The following GRIP1 variants were observed in gnomAD, a reference collection of about 807,000 sequenced individuals.
The protein encoded by GRIP1 is glutamate receptor interacting protein 1, also known as glutamate receptor-interacting protein 1.
A neutral mutation model predicts 129.9 loss-of-function variants in GRIP1; 45 were observed. The ratio of observed to expected loss-of-function variants is 0.35; its 90% CI spans 0.27 to 0.44. The LOEUF (loss-of-function observed/expected upper bound fraction) is 0.44, where lower values mean the gene tolerates loss of function less well. Among genes scored for constraint, GRIP1 ranks in the 20% least tolerant of loss-of-function variants. GRIP1 has a pLI of 1.00. For synonymous variants in GRIP1, 530 were observed against 520.8 expected (o/e 1.02, Z -0.24); for missense variants, 1,196 against 1,396.8 (o/e 0.86, Z 2.29).
intron 13 of GRIP1, among the ~76,000 whole-genome samples, chr12:66,433,831 C>A (rs953578743): frequency 6.6e-6 from 1 of 152,146 alleles, no homozygotes; most frequent in African/African-American, 2.4e-5. Flanking sequence ...GTGAGCTATC[C>A]ACTTGGCCGG....
chr12:66,428,250 C>A (rs1382293129), intron 14 of GRIP1, among the ~76,000 whole-genome samples: 1 of 152,116 alleles, frequency 6.6e-6, no homozygotes, highest in Non-Finnish European at 1.5e-5. Context: ...ATACATCATA[C>A]ATGGTAAGTA....
At chr12:66,755,898 T>C (rs995700901) in intron 1 of GRIP1, among the ~76,000 whole-genome samples, 2 of 152,200 alleles carry the variant, frequency 1.3e-5, no homozygotes, top group African/African-American at 4.8e-5. Context: ...TAGAGTTCCA[T>C]GTGGCAAGTG....
intron 7 of GRIP1, among the ~76,000 whole-genome samples, chr12:66,477,040 G>T (rs977693867): frequency 6.6e-6 from 1 of 152,126 alleles, no homozygotes; most frequent in Non-Finnish European, 1.5e-5. Flanking sequence ...CAATCAGACA[G>T]GAGAAATAAA....
chr12:66,591,744 C>T (rs2063853150), intron 2 of GRIP1, among the ~76,000 whole-genome samples: 1 of 152,060 alleles, frequency 6.6e-6, no homozygotes, highest in Non-Finnish European at 1.5e-5. Context: ...ATCCTCCTAC[C>T]TCAATGTCCT....
intron 1 of GRIP1, among the ~76,000 whole-genome samples, chr12:66,987,231 G>C (rs943395047): frequency 6.6e-6 from 1 of 152,124 alleles, no homozygotes; most frequent in African/African-American, 2.4e-5. Flanking sequence ...TGAAGACAAG[G>C]GTTATTGTTG....
At chr12:66,589,453 A>G (rs2063773287) in intron 2 of GRIP1, among the ~76,000 whole-genome samples, 1 of 152,146 alleles carries the variant, frequency 6.6e-6, no homozygotes, top group African/African-American at 2.4e-5. Context: ...ACTACTGACA[A>G]AGTGAAGTTT....
intron 1 of GRIP1, among the ~76,000 whole-genome samples, chr12:66,849,072 T>C (rs964919552): frequency 6.6e-6 from 1 of 152,164 alleles, no homozygotes; most frequent in Non-Finnish European, 1.5e-5. Context: ...GTTCTGTCAC[T>C]TTTCTGCATC....
chr12:66,510,590 AT>A (rs994236502), intron 7 of GRIP1, among the ~76,000 whole-genome samples: 1 of 152,114 alleles, frequency 6.6e-6, no homozygotes, highest in African/African-American at 2.4e-5. Flanking sequence ...AGTCTTCCTT[AT>A]TTCAAAAAAA....
At chr12:66,554,909 T>C (rs2062271255) in intron 2 of GRIP1, among the ~76,000 whole-genome samples, 1 of 152,176 alleles carries the variant, frequency 6.6e-6, no homozygotes, top group South Asian at 2.1e-4. Flanking sequence ...CTAAGGTTCC[T>C]GACTCCAGGA....
intron 1 of GRIP1, among the ~76,000 whole-genome samples, chr12:66,903,014 C>T (rs1875832): frequency 0.45 from 68,530 of 151,908 alleles, 16,917 homozygotes; most frequent in African/African-American, 0.66. Flanking sequence ...TTTATACAAA[C>T]ACAGTTTTTT....
chr12:66,612,475 A>G (rs2064847017), intron 1 of GRIP1, among the ~76,000 whole-genome samples: 1 of 152,016 alleles, frequency 6.6e-6, no homozygotes, highest in Admixed American at 6.6e-5. Flanking sequence ...CCTGGGTAAC[A>G]TAGGGGGACC....
intron 1 of GRIP1, among the ~76,000 whole-genome samples, chr12:66,736,369 T>TAGGA (rs2036601303): frequency 1.3e-5 from 1 of 74,152 alleles, no homozygotes; most frequent in Non-Finnish European, 3.4e-5. Context: ...TTTTTTTTTT[T>TAGGA]TTTTTTTTTT....
intron 1 of GRIP1, among the ~76,000 whole-genome samples, chr12:66,750,990 C>T (rs2037109082): frequency 6.6e-6 from 1 of 152,120 alleles, no homozygotes; most frequent in African/African-American, 2.4e-5. Context: ...GTTGCTATAA[C>T]TTTATTCTTT....
intron 4 of GRIP1, among the ~76,000 whole-genome samples, chr12:66,537,590 C>T (rs2061644520): frequency 2.0e-5 from 3 of 151,514 alleles, no homozygotes. Flanking sequence ...ATTAATGTAT[C>T]CATAAAGAAC....
intron 1 of GRIP1, among the ~76,000 whole-genome samples, chr12:66,728,591 G>A (rs1344201705): frequency 6.6e-6 from 1 of 152,082 alleles, no homozygotes; most frequent in African/African-American, 2.4e-5. Flanking sequence ...AGGTTCACAG[G>A]TACTTTTAAA....
intron 9 of GRIP1, among the ~76,000 whole-genome samples, chr12:66,460,941 A>G (rs2059117929): frequency 6.6e-6 from 1 of 152,226 alleles, no homozygotes; most frequent in African/African-American, 2.4e-5. Context: ...TTAATGTGCA[A>G]TATAACGGAA....
At chr12:66,926,361 A>G (rs569702839) in intron 1 of GRIP1, among the ~76,000 whole-genome samples, 1 of 152,304 alleles carries the variant, frequency 6.6e-6, no homozygotes, top group Non-Finnish European at 1.5e-5. Flanking sequence ...CGATACCCCC[A>G]TAGCTCGAAG....
intron 10 of GRIP1, among the ~76,000 whole-genome samples, chr12:66,455,811 T>C (rs1483854449): frequency 6.6e-6 from 1 of 152,234 alleles, no homozygotes; most frequent in Non-Finnish European, 1.5e-5. Context: ...AGAATTGCTT[T>C]AAACAAACAA....
chr12:66,811,998 C>T (rs1404418749), intron 1 of GRIP1, among the ~76,000 whole-genome samples: 2 of 152,158 alleles, frequency 1.3e-5, no homozygotes, highest in African/African-American at 4.8e-5. Flanking sequence ...GCCCCCAATC[C>T]TAGCTATGAT....
Sources: gnomAD v4.1 joint callset for allele counts (sites outside exome capture counted in the v4.1 genomes callset) on GRCh38, gnomAD v4.1.1 for gene constraint, MANE v1.5 for transcripts, NCBI Gene and HGNC (gene_info 2026-07-23, HGNC 2026-07-21) for gene names.